The following HLCS variants were observed in gnomAD, a reference collection of about 807,000 sequenced individuals.
HLCS encodes the protein holocarboxylase synthetase.
A neutral mutation model predicts 75.0 loss-of-function variants in HLCS; 53 were observed. That is an observed-to-expected ratio of 0.71 (90% CI 0.57 to 0.89). The LOEUF is 0.89. Ranked by LOEUF, HLCS falls within the 40% of genes least tolerant of loss-of-function variation. The pLI is 0.00. For synonymous variants in HLCS, 431 were observed against 428.6 expected, an observed-to-expected ratio of 1.01 and a Z score of -0.07; for missense variants, 966 against 1,074.0, an observed-to-expected ratio of 0.90 and a Z score of 1.41.
intron 5 of HLCS, among the ~76,000 whole-genome samples, chr21:36,910,299 C>T (rs897106822): frequency 6.6e-6 from 1 of 152,154 alleles, no homozygotes. Flanking sequence ...AATCCCGGCA[C>T]TTTGGGAGGC....
At position 36,974,049 on chromosome 21, in the gene HLCS, C is replaced by A. The variant is rs1234528401; in HGVS notation, c.-392-11879G>T. The A allele has an allele frequency of 2.0e-5, 3 of 152,076 alleles. No homozygotes were observed. In the East Asian group the frequency reaches 5.8e-4, roughly 29 times the overall value. The allele number at this position is 152,076 out of a possible 1,614,324, so 9.4% of individuals were successfully genotyped here. A position where few individuals can be genotyped will look rare whatever the true frequency, so the allele number is the denominator to read the frequency against. ...ACCACAGAAGGGACAGTGAGGCAAC[C>A]CAGGGAATAGAAAGAGCAGAAGCCG... is the stretch of plus-strand genomic sequence containing the variant. On this transcript the variant is annotated intron_variant, in intron 1 of 11. Coordinates refer to the HLCS transcript ENST00000336648.
At chr21:36,967,766 C>A (rs1319204058), upstream of HLCS, among the ~76,000 whole-genome samples, 1 of 152,212 alleles carries the variant, frequency 6.6e-6, no homozygotes, top group Non-Finnish European at 1.5e-5. Context: ...GTCACCCAGG[C>A]TGGAGTGCAG....
In HLCS at chr21:36,750,195, T is replaced by C. The variant is rs2089323900; in HGVS notation, c.*4051A>G. ...GGCTCCGGCAGGGGAAGAGGAAGCA[T>C]TTTAATACATATGCCTCTCTTTTAC... On this transcript the variant is annotated 3_prime_UTR_variant, in exon 11 of 11. Coordinates refer to ENST00000674895, the MANE Select transcript of HLCS (RefSeq NM_001352514.2). Among the ~76,000 whole-genome samples the C allele has an allele frequency of 1.3e-5, 2 of 152,178 alleles. No homozygotes were observed. Among genetic ancestry groups the C allele is most frequent in the African/African-American group, 4.8e-5 (2 of 41,426 alleles).
intron 5 of HLCS, among the ~76,000 whole-genome samples, chr21:36,908,815 A>C (rs1379319566): frequency 6.6e-6 from 1 of 152,246 alleles, no homozygotes; most frequent in Non-Finnish European, 1.5e-5. Context: ...GTTTCAGAAA[A>C]GGCCAATCTA....
At chr21:36,943,570 C>G (rs1418736618) in intron 2 of HLCS, 1 of 152,154 alleles carries the variant, frequency 6.6e-6, no homozygotes, top group East Asian at 1.9e-4. Flanking sequence ...CTGTAAATCC[C>G]AGCACTTTGC....
intron 6 of HLCS, among the ~76,000 whole-genome samples, chr21:36,791,479 T>C (rs183233899): frequency 5.3e-5 from 8 of 152,336 alleles, no homozygotes; most frequent in Admixed American, 3.9e-4. Context: ...AGCCCTTTTG[T>C]ATGAATTTTC....
Position 36,859,599 on chromosome 21 carries a change from T to A in HLCS, c.1892+37261A>T, listed in dbSNP as rs376323510. Among the ~76,000 whole-genome samples the A allele has an allele frequency of 3.4e-4, 52 of 152,334 alleles. No homozygotes were observed. The East Asian group carries it at 5.2e-3, about 15-fold the overall frequency. On this transcript the variant is annotated intron_variant, in intron 6 of 10. Coordinates refer to ENST00000674895, the MANE Select transcript of HLCS (RefSeq NM_001352514.2). The stretch of plus-strand genomic sequence containing the variant: ...GATGGAAGATTTTCATCTTTTAGTT[T>A]CAAAAGTCTGTCTCAAACCCACAGC...
intron 6 of HLCS, among the ~76,000 whole-genome samples, chr21:36,776,661 T>C (rs560097197): frequency 2.0e-5 from 3 of 152,102 alleles, no homozygotes; most frequent in African/African-American, 7.2e-5. Flanking sequence ...GATCCACCCA[T>C]CTCAGCCCCC....
In HLCS at chr21:36,791,623, T is replaced by C. The variant is rs535521202; in HGVS notation, c.1893-24338A>G. Among the ~76,000 whole-genome samples the C allele has an allele frequency of 2.0e-5, 3 of 152,178 alleles. No individual in the cohort carries two copies. The South Asian group carries it at 6.2e-4, about 32-fold the overall frequency. On this transcript the variant is annotated intron_variant, in intron 6 of 10. Coordinates refer to ENST00000674895, the MANE Select transcript of HLCS (RefSeq NM_001352514.2). The stretch of plus-strand genomic sequence containing the variant: ...ATGTAACCTACTCTAGGTGGGTTAG[T>C]ACCATGTGAGAGAAATAGGGGGTGA...
chr21:36,950,956 T>C (rs984761453), intron 2 of HLCS, among the ~76,000 whole-genome samples: 3 of 152,152 alleles, frequency 2.0e-5, no homozygotes, highest in Admixed American at 6.5e-5. Context: ...GCTGACACCA[T>C]TGGCAGGGAA....
rs141017271 is a variant in HLCS, at chr21:36,981,219, A to C, written c.-393+8939T>G. Reference sequence around the variant, plus strand: ...AGTTGGCTTAAGGTTTTGCTGAATAAAATGAGTGACAGACAAAAGTAGCCA... The same window carrying C: ...AGTTGGCTTAAGGTTTTGCTGAATACAATGAGTGACAGACAAAAGTAGCCA... On this transcript the variant is annotated intron_variant, in intron 1 of 11. Transcript: ENST00000336648. Among the ~76,000 whole-genome samples the C allele has an allele frequency of 5.8e-4, 88 of 152,336 alleles. No individual in the cohort carries two copies. In the East Asian group the frequency reaches 0.013, roughly 23 times the overall value.
intron 6 of HLCS, among the ~76,000 whole-genome samples, chr21:36,886,121 T>C (rs367888454): frequency 5.9e-4 from 89 of 151,968 alleles, no homozygotes; most frequent in African/African-American, 2.0e-3. Context: ...ACTGCCACCA[T>C]TGAGAACATT....
Position 36,750,529 on chromosome 21 carries a change from C to T in HLCS, c.*3717G>A, listed in dbSNP as rs1365636869. On this transcript the variant is annotated 3_prime_UTR_variant, in exon 11 of 11. Coordinates refer to ENST00000674895, the MANE Select transcript of HLCS (RefSeq NM_001352514.2). ...AAAGTCCTATCAGCCCTGCCTTCGT[C>T]CCTTCCGCCCTAAGCCCTAAGAGTG... Among the ~76,000 whole-genome samples the T allele has an allele frequency of 6.6e-6, 1 of 152,174 alleles. No individual in the cohort carries two copies.
chr21:36,943,925 A>T (rs1380980986), intron 2 of HLCS: 1 of 152,212 alleles, frequency 6.6e-6, no homozygotes, highest in Non-Finnish European at 1.5e-5. Flanking sequence ...GTTTACACAG[A>T]TCATCAGGCA....
intron 6 of HLCS, among the ~76,000 whole-genome samples, chr21:36,820,122 G>T (rs1362634670): frequency 6.6e-6 from 1 of 152,196 alleles, no homozygotes; most frequent in African/African-American, 2.4e-5. Context: ...CTTGGCCATC[G>T]GGAATGAGGC....
At chr21:36,933,679 T>G (rs550287620) in intron 4 of HLCS, among the ~76,000 whole-genome samples, 31 of 152,280 alleles carry the variant, frequency 2.0e-4, no homozygotes, top group African/African-American at 7.2e-4. Context: ...GAGACCCGTT[T>G]AATTCACTTG....
intron 6 of HLCS, among the ~76,000 whole-genome samples, chr21:36,864,270 T>A (rs1405032306): frequency 2.0e-5 from 3 of 151,866 alleles, no homozygotes; most frequent in African/African-American, 7.3e-5. Context: ...CATGGTGGCG[T>A]GTGCCTGTAA....
At chr21:36,931,071 G>A (rs899435401) in intron 4 of HLCS, among the ~76,000 whole-genome samples, 3 of 152,080 alleles carry the variant, frequency 2.0e-5, no homozygotes, top group African/African-American at 7.2e-5. Context: ...ATCACCTGAG[G>A]TCGGGAGTTC....
Position 36,885,045 on chromosome 21 carries a change from C to T in HLCS, c.1892+11815G>A, listed in dbSNP as rs564971172. ...GAAGGTTCAATGAAAAAGAGACTTG[C>T]TTCACATATAAGAGAAACACAAACA... On this transcript the variant is annotated intron_variant, in intron 6 of 10. Transcript: ENST00000674895. Among the ~76,000 whole-genome samples, 3 of 152,278 alleles carry T rather than the reference C, an allele frequency of 2.0e-5. No homozygotes were observed. The East Asian group carries it at 5.8e-4, about 29-fold the overall frequency.
Sources: gnomAD v4.1 joint callset for allele counts (sites outside exome capture counted in the v4.1 genomes callset) on GRCh38, gnomAD v4.1.1 for gene constraint, MANE v1.5 for transcripts, NCBI Gene and HGNC (gene_info 2026-07-23, HGNC 2026-07-21) for gene names.